CSGALNACT1: variants seen among roughly 807,000 people sequenced by gnomAD.
CSGALNACT1 encodes the protein beta4GalNAcT-1.
In CSGALNACT1, 52 loss-of-function variants were observed where a neutral mutation model predicts 51.0. The ratio of observed to expected loss-of-function variants is 1.02; its 90% confidence interval spans 0.82 to 1.29. CSGALNACT1 has a LOEUF of 1.29. Ranked by LOEUF, CSGALNACT1 falls within the 50% of genes most tolerant of loss-of-function variation. CSGALNACT1 has a pLI of 0.00. For synonymous variants in CSGALNACT1, 341 were observed against 254.4 expected (o/e 1.34, Z -3.24); for missense variants, 935 against 679.2 (o/e 1.38, Z -4.19).
intron 1 of CSGALNACT1, among the ~76,000 whole-genome samples, chr8:19,716,612 C>CCAA (rs1414449293): frequency 1.4e-4 from 6 of 41,966 alleles, no homozygotes; most frequent in South Asian, 1.5e-3. Context: ...ACCCTCTCTA[C>CCAA]AAAAAAAAAA....
At chr8:19,503,860 T>G (rs966304847) in intron 4 of CSGALNACT1, among the ~76,000 whole-genome samples, 4 of 152,002 alleles carry the variant, frequency 2.6e-5, no homozygotes, top group African/African-American at 9.7e-5. Flanking sequence ...ATAAAACTGA[T>G]GATACACTAA....
At chr8:19,514,422 T>C (rs1023780251) in intron 3 of CSGALNACT1, among the ~76,000 whole-genome samples, 3 of 140,234 alleles carry the variant, frequency 2.1e-5, no homozygotes, top group Non-Finnish European at 3.0e-5. Context: ...TCTCCAAACA[T>C]TAATTAAACA....
chr8:19,450,975 C>T (rs2063091994), intron 5 of CSGALNACT1, among the ~76,000 whole-genome samples: 1 of 152,044 alleles, frequency 6.6e-6, no homozygotes, highest in Non-Finnish European at 1.5e-5. Context: ...CATAGCCCTA[C>T]AGCACCAAGA....
Position 19,613,416 on chromosome 8 carries a change from G to A in CSGALNACT1, c.-543-11551C>T, listed in dbSNP as rs186696710. Among the ~76,000 whole-genome samples, 44 of 152,210 alleles carry A rather than the reference G, an allele frequency of 2.9e-4. 1 individual carries two copies. Among genetic ancestry groups the A allele is most frequent in the Non-Finnish European group, 5.6e-4 (38 of 68,010 alleles). On this transcript the variant is annotated intron_variant, in intron 1 of 9. Transcript: ENST00000332246. The stretch of plus-strand genomic sequence containing the variant: ...AGTAACCTTTATCATCGCACAGACC[G>A]GTTTTCTTTGGTTGCGTTCACCATG...
At chr8:19,651,055 G>C (rs748063645) in intron 1 of CSGALNACT1, among the ~76,000 whole-genome samples, 1 of 152,094 alleles carries the variant, frequency 6.6e-6, no homozygotes, top group Non-Finnish European at 1.5e-5. Context: ...ATTTCCTCTG[G>C]GCCTTGATGT....
At chr8:19,593,239 G>A (rs750713135) in intron 2 of CSGALNACT1, among the ~76,000 whole-genome samples, 1 of 152,174 alleles carries the variant, frequency 6.6e-6, no homozygotes, top group Non-Finnish European at 1.5e-5. Flanking sequence ...GCACATAAAC[G>A]CAAGTTCTCA....
At chr8:19,557,412 G>A (rs1401177238) in intron 3 of CSGALNACT1, among the ~76,000 whole-genome samples, 1 of 152,044 alleles carries the variant, frequency 6.6e-6, no homozygotes, top group Non-Finnish European at 1.5e-5. Flanking sequence ...ACTCTCCAAC[G>A]TCTCCCATTC....
At chr8:19,427,872 G>C (rs2153715555) in intron 6 of CSGALNACT1, among the ~76,000 whole-genome samples, 1 of 152,258 alleles carries the variant, frequency 6.6e-6, no homozygotes, top group South Asian at 2.1e-4. Context: ...GGAAGTGTGA[G>C]TAACTGTGCA....
At chr8:19,599,508 G>GA (rs1305408117) in intron 2 of CSGALNACT1, among the ~76,000 whole-genome samples, 1 of 122,134 alleles carries the variant, frequency 8.2e-6, no homozygotes, top group East Asian at 2.2e-4. Context: ...AAGAAAGAAA[G>GA]AAAGAAAGAA....
intron 3 of CSGALNACT1, among the ~76,000 whole-genome samples, chr8:19,580,595 T>A (rs1381454377): frequency 6.6e-6 from 1 of 152,132 alleles, no homozygotes; most frequent in East Asian, 1.9e-4. Flanking sequence ...TAGAACAGCA[T>A]CCAGAGAGCC....
intron 6 of CSGALNACT1, among the ~76,000 whole-genome samples, chr8:19,432,234 C>G (rs918471689): frequency 2.0e-5 from 3 of 152,144 alleles, no homozygotes; most frequent in Non-Finnish European, 2.9e-5. Context: ...TTGCTGATAA[C>G]AGAATTATTA....
chr8:19,664,238 G>A (rs2058998747), intron 1 of CSGALNACT1, among the ~76,000 whole-genome samples: 1 of 152,200 alleles, frequency 6.6e-6, no homozygotes, highest in Non-Finnish European at 1.5e-5. Context: ...TAGTTTTACA[G>A]GATTGCAGGA....
At chr8:19,473,927 T>C (rs1226183271) in intron 4 of CSGALNACT1, among the ~76,000 whole-genome samples, 5 of 152,210 alleles carry the variant, frequency 3.3e-5, no homozygotes, top group Non-Finnish European at 5.9e-5. Flanking sequence ...TGACCTGTAT[T>C]CATCTATGCC....
intron 3 of CSGALNACT1, among the ~76,000 whole-genome samples, chr8:19,509,464 C>T (rs1215947882): frequency 6.6e-6 from 1 of 151,770 alleles, no homozygotes; most frequent in African/African-American, 2.4e-5. Context: ...ACTAAAAATA[C>T]AAAAATTAGT....
chr8:19,630,630 A>G (rs1004606164), intron 1 of CSGALNACT1, among the ~76,000 whole-genome samples: 2 of 152,156 alleles, frequency 1.3e-5, no homozygotes, highest in Non-Finnish European at 2.9e-5. Flanking sequence ...TTCTTCAACT[A>G]TTTTATCCCT....
intron 4 of CSGALNACT1, among the ~76,000 whole-genome samples, chr8:19,477,612 T>C (rs1423296287): frequency 2.0e-5 from 3 of 152,212 alleles, no homozygotes; most frequent in Non-Finnish European, 4.4e-5. Context: ...ATCTTAAAAC[T>C]AAATGGTCTT....
chr8:19,748,887 C>T (rs1038369628), intron 1 of CSGALNACT1, among the ~76,000 whole-genome samples: 14 of 151,890 alleles, frequency 9.2e-5, no homozygotes, highest in African/African-American at 2.9e-4. Flanking sequence ...ATCGCTTGAA[C>T]CCGGGAGGCA....
At chr8:19,457,822 A>C (rs745863920) in intron 5 of CSGALNACT1, 5 of 1,350,946 alleles carry the variant, frequency 3.7e-6, no homozygotes, top group Non-Finnish European at 3.9e-6. Flanking sequence ...CAGGCCTGAA[A>C]AATGAAACCC....
chr8:19,620,940 A>G (rs770044106), intron 1 of CSGALNACT1, among the ~76,000 whole-genome samples: 9 of 152,176 alleles, frequency 5.9e-5, no homozygotes, highest in Non-Finnish European at 1.2e-4. Flanking sequence ...CAAATCTGCT[A>G]GAAGAACAGT....
Sources: gnomAD v4.1 joint callset for allele counts (sites outside exome capture counted in the v4.1 genomes callset) on GRCh38, gnomAD v4.1.1 for gene constraint, MANE v1.5 for transcripts, NCBI Gene and HGNC (gene_info 2026-07-23, HGNC 2026-07-21) for gene names.